FLOT2: variants seen among roughly 807,000 people sequenced by gnomAD.
The protein encoded by FLOT2 is flotillin-2.
In FLOT2, 35 loss-of-function variants were observed where a neutral mutation model predicts 54.9. The ratio of observed to expected loss-of-function variants is 0.64; its 90% CI spans 0.49 to 0.84. The LOEUF (loss-of-function observed/expected upper bound fraction) is 0.84, where lower values mean the gene tolerates loss of function less well. Among genes scored for constraint, FLOT2 ranks in the 40% least tolerant of loss-of-function variants. FLOT2 has a pLI of 0.00. For synonymous variants in FLOT2, 207 were observed against 228.9 expected (o/e 0.90, Z 0.86); for missense variants, 464 against 572.1 (o/e 0.81, Z 1.93).
chr17:28,891,281 T>A (rs1042212800), intron 1 of FLOT2, among the ~76,000 whole-genome samples: 2 of 152,094 alleles, frequency 1.3e-5, no homozygotes, highest in Non-Finnish European at 2.9e-5. Flanking sequence ...CTGGGGGAGT[T>A]TCATGCAGCT....
At chr17:28,886,441 T>C (rs887018535) in intron 2 of FLOT2, among the ~76,000 whole-genome samples, 1 of 152,182 alleles carries the variant, frequency 6.6e-6, no homozygotes, top group Non-Finnish European at 1.5e-5. Flanking sequence ...GTCTGCACTA[T>C]CTATCACTAA....
chr17:28,884,504 C>T lies in FLOT2; in HGVS notation c.132-189G>A. Among the ~76,000 whole-genome samples, 1 of 152,068 alleles carries T rather than the reference C, an allele frequency of 6.6e-6. No homozygotes were observed. On this transcript the variant is annotated intron_variant, in intron 2 of 10. Coordinates refer to ENST00000394908, the MANE Select transcript of FLOT2 (RefSeq NM_004475.3). This position sits in a 1 kb window ranked among gnomAD's most constrained non-coding sequence, Gnocchi z 5.1. ...CGAGGGCAGGGTGGGTGCAGGTGGC[C>T]CCAGGGGAAGGAGTGGAAGTGGGCT...
intron 1 of FLOT2, among the ~76,000 whole-genome samples, chr17:28,893,963 C>T (rs923150624): frequency 2.6e-5 from 4 of 152,204 alleles, no homozygotes; most frequent in African/African-American, 4.8e-5. Context: ...TCGAGGAGCT[C>T]GGATTTTAAG....
rs578240440 is a variant in FLOT2 at position 28,886,560 on chromosome 17, G to T, written c.132-2245C>A. The stretch of plus-strand genomic sequence containing the variant: ...CAGGGATAACCGGGAGATAAGGGAG[G>T]CATTTAATTGGGAATTTCCAAAGTT... On this transcript the variant is annotated intron_variant, in intron 2 of 10. Transcript: ENST00000394908. 1.4e-3 allele frequency among the ~76,000 whole-genome samples: 206 copies of T among 152,300 alleles called. 2 individuals are homozygous for T. The highest frequency in any genetic ancestry group is 4.8e-3 in the African/African-American group (200 of 41,558).
Position 28,880,397 on chromosome 17 carries a change from A to C in FLOT2, c.*164T>G. ...GAGGAAGAGGAGGAGGTGGACAGAC[A>C]GGAGAGACAGGAAGACAGCCAGAGA... On this transcript the variant is annotated 3_prime_UTR_variant, in exon 11 of 11. Transcript: ENST00000394908. 1 of 1,483,140 alleles carries C rather than the reference A, an allele frequency of 6.7e-7. No homozygotes were observed. Among genetic ancestry groups the C allele is most frequent in the East Asian group, 2.4e-5 (1 of 42,458 alleles). The allele number at this position is 1,483,140 out of a possible 1,614,324, so 91.9% of individuals were successfully genotyped here. A position where few individuals can be genotyped will look rare whatever the true frequency, so the allele number is the denominator to read the frequency against.
rs2039432231 is a variant in FLOT2 at position 28,880,728 on chromosome 17, G to A, written c.1233C>T (p.Gly411=). The A allele has an allele frequency of 6.2e-6, 10 of 1,614,208 alleles. No homozygotes were observed. Among genetic ancestry groups the A allele is most frequent in the African/African-American group, 1.3e-5 (1 of 75,050 alleles). The change falls in exon 10 of 11, where the codon GGC becomes GGT. Residue 411 remains glycine (G), a synonymous_variant. Coordinates refer to ENST00000394908, the MANE Select transcript of FLOT2 (RefSeq NM_004475.3). ...ELPASVHALT[G]VDLSKIPLIK... The stretch of plus-strand genomic sequence containing the variant: ...AGGCACATACCTTAGACAGGTCCAC[G>A]CCTGTGAGGGCATGCACAGAGGCAG...
chr17:28,897,540 G>A lies in FLOT2; in HGVS notation c.35C>T (p.Ala12Val), dbSNP rs1170550404. 2.5e-6 allele frequency: 4 copies of A among 1,605,642 alleles called. No individual in the cohort carries two copies. In the African/African-American group the frequency reaches 4.0e-5, roughly 16 times the overall value. Reference protein sequence around the residue: ...GNCHTVGPNEALVVSGGCCGS... With the variant: ...GNCHTVGPNEVLVVSGGCCGS... ...CGCCCCCTCACCTGAAACCACCAGC[G>A]CCTCGTTGGGCCCCACCGTGTGGCA... Residue 12 changes from alanine (A) to valine (V), a missense_variant, in exon 1 of 11, where the codon GCG becomes GTG. Physicochemically the swap from Ala to Val is moderately conservative, Grantham distance 64 (BLOSUM62 0). Coordinates refer to ENST00000394908, the MANE Select transcript of FLOT2 (RefSeq NM_004475.3). The surrounding 1 kb of genome is among the most constrained non-coding windows in gnomAD (Gnocchi z 4.4).
In FLOT2 at chr17:28,882,093, C is replaced by T; in HGVS notation, c.699+25G>A. On this transcript the variant is annotated intron_variant, in intron 7 of 10. Coordinates refer to ENST00000394908, the MANE Select transcript of FLOT2 (RefSeq NM_004475.3). This position sits in a 1 kb window ranked among gnomAD's most constrained non-coding sequence, Gnocchi z 5.6. Reference sequence around the variant, plus strand: ...CCAAGTCCTGATCCCTGAGCCCCATCCCAGGATGTCCTCAGGCTGCTCACC... The same window carrying T: ...CCAAGTCCTGATCCCTGAGCCCCATTCCAGGATGTCCTCAGGCTGCTCACC... 6.2e-7 allele frequency: 1 copy of T among 1,613,830 alleles called. No individual in the cohort carries two copies. Among genetic ancestry groups the T allele is most frequent in the Non-Finnish European group, 8.5e-7 (1 of 1,179,742 alleles).
chr17:28,892,307 G>C (rs2039663934), intron 1 of FLOT2, among the ~76,000 whole-genome samples: 2 of 151,608 alleles, frequency 1.3e-5, no homozygotes, highest in South Asian at 4.2e-4. Flanking sequence ...GTAGTGGTGG[G>C]GGTAGGATGT....
rs1204676063 is a variant in FLOT2, at chr17:28,884,267, C to T, written c.180G>A (p.Glu60=). ...MTLQPRCEDV[E]TAEGVALTVT... ...CAGTTAAAGCTACCCCCTCGGCCGT[C>T]TCTACGTCCTCGCAGCGGGGCTGCA... The change falls in exon 3 of 11, where the codon GAG becomes GAA. Residue 60 remains glutamate, a synonymous_variant. Transcript: ENST00000394908. The surrounding 1 kb of genome is among the most constrained non-coding windows in gnomAD (Gnocchi z 5.1). The T allele has an allele frequency of 6.2e-7, 1 of 1,613,438 alleles. No homozygotes were observed. The highest frequency in any genetic ancestry group is 8.5e-7 in the Non-Finnish European group (1 of 1,179,718).
At chr17:28,891,419 T>G (rs1229547641) in intron 1 of FLOT2, among the ~76,000 whole-genome samples, 2 of 152,148 alleles carry the variant, frequency 1.3e-5, no homozygotes, top group African/African-American at 4.8e-5. Context: ...AAGGTTACCC[T>G]TGAGAAACAC....
chr17:28,892,044 T>C (rs1019337271), intron 1 of FLOT2, among the ~76,000 whole-genome samples: 1 of 152,182 alleles, frequency 6.6e-6, no homozygotes, highest in Non-Finnish European at 1.5e-5. Context: ...TCTGTTTCTC[T>C]GGGGTAGAAC....
intron 1 of FLOT2, among the ~76,000 whole-genome samples, chr17:28,889,784 C>G (rs914978535): frequency 6.6e-6 from 1 of 151,934 alleles, no homozygotes; most frequent in Non-Finnish European, 1.5e-5. Flanking sequence ...GGATTACAGG[C>G]ATGCATCATC....
rs9617 is a variant in FLOT2, at chr17:28,879,510, C to T, written c.*1051G>A. The stretch of plus-strand genomic sequence containing the variant: ...GACATTCACAGCACCCCTGCCAAGA[C>T]GCTTGGGTCCTGGGCTCTTCTGCCT... On this transcript the variant is annotated 3_prime_UTR_variant, in exon 11 of 11. Transcript: ENST00000394908. The T allele has an allele frequency of 0.013, 13,275 of 986,218 alleles. 92 individuals carry two copies. Among genetic ancestry groups the T allele is most frequent in the Admixed American group, 0.035 (567 of 16,294 alleles). 61.1% of individuals were successfully genotyped at this position (986,218 alleles called of 1,614,324 possible).
rs746680028 is a variant in FLOT2 at position 28,888,930 on chromosome 17, C to A, written c.131+15G>T. ...GCCCACTCCATGACAGGTCCTAGAG[C>A]CCCCAGGTGCTTACCTCTGAGTGTC... On this transcript the variant is annotated intron_variant, in intron 2 of 10. Coordinates refer to ENST00000394908, the MANE Select transcript of FLOT2 (RefSeq NM_004475.3). 3.7e-6 allele frequency: 6 copies of A among 1,609,972 alleles called. No individual in the cohort carries two copies. Among genetic ancestry groups the A allele is most frequent in the Middle Eastern group, 3.3e-4 (2 of 6,052 alleles).
rs544084150 is a variant in FLOT2, at chr17:28,887,736, G to C, written c.131+1209C>G. 4.4e-4 allele frequency among the ~76,000 whole-genome samples: 67 copies of C among 152,346 alleles called. 1 individual carries two copies. In the Middle Eastern group the frequency reaches 0.014, roughly 31 times the overall value. On this transcript the variant is annotated intron_variant, in intron 2 of 10. Transcript: ENST00000394908. The stretch of plus-strand genomic sequence containing the variant: ...CTGGAGAGGGCTCCCCACGGCTTCT[G>C]ACAGGCCACTGGCCCACTCAGGTGT...
intron 1 of FLOT2, among the ~76,000 whole-genome samples, chr17:28,890,449 C>A (rs974209502): frequency 1.3e-5 from 2 of 149,396 alleles, no homozygotes; most frequent in Non-Finnish European, 3.0e-5. Context: ...TGCAGTGGTG[C>A]GATCTCAGCT....
At position 28,886,061 on chromosome 17, in the gene FLOT2, G is replaced by GGC. The variant is rs796930710; in HGVS notation, c.132-1747_132-1746insGC. The GGC allele has an allele frequency of 4.6e-5, 29 of 628,962 alleles. 2 individuals are homozygous for GGC. Among genetic ancestry groups the GGC allele is most frequent in the Middle Eastern group, 8.2e-4 (2 of 2,438 alleles). The allele number at this position is 628,962 out of a possible 1,614,324, so 39.0% of individuals were successfully genotyped here. The stretch of plus-strand genomic sequence containing the variant: ...ACCGATGCCTGACGCCTGGGGGCGG[G>GGC]GGGGGGCATGCTGTCAGTAATCCAA... On this transcript the variant is annotated intron_variant, in intron 2 of 10. Transcript: ENST00000394908.
chr17:28,888,196 G>C (rs569607933), intron 2 of FLOT2, among the ~76,000 whole-genome samples: 10 of 152,228 alleles, frequency 6.6e-5, no homozygotes, highest in Non-Finnish European at 1.5e-5. Context: ...TGAGGAAGGG[G>C]GCGATCGTGG....
Sources: gnomAD v4.1 joint callset for allele counts (sites outside exome capture counted in the v4.1 genomes callset) on GRCh38, gnomAD v4.1.1 for gene constraint, Gnocchi (gnomAD v3.1) non-coding constraint, MANE v1.5 for transcripts, NCBI Gene and HGNC (gene_info 2026-07-23, HGNC 2026-07-21) for gene names.